The following GRIA4 variants were observed in gnomAD, a reference collection of about 807,000 sequenced individuals.
GRIA4 encodes glutamate ionotropic receptor AMPA type subunit 4.
A neutral mutation model predicts 104.0 loss-of-function variants in GRIA4; 34 were observed. That is an observed-to-expected ratio of 0.33 (90% confidence interval 0.25 to 0.44). The LOEUF (loss-of-function observed/expected upper bound fraction) is 0.44. GRIA4 is among the 20% of genes least tolerant of loss of function. GRIA4 has a pLI of 1.00. For synonymous variants in GRIA4, 386 were observed against 381.9 expected (o/e 1.01, Z -0.13); for missense variants, 750 against 1,096.5 (o/e 0.68, Z 4.46).
intron 4 of GRIA4, among the ~76,000 whole-genome samples, chr11:105,802,079 A>G (rs138449716): frequency 1.8e-3 from 280 of 152,238 alleles, no homozygotes; most frequent in Admixed American, 2.8e-3. Flanking sequence ...CCAGATGGGC[A>G]GATGCGGCCA....
intron 4 of GRIA4, among the ~76,000 whole-genome samples, chr11:105,848,618 A>G (rs599980): frequency 0.12 from 17,966 of 152,216 alleles, 1,338 homozygotes; most frequent in South Asian, 0.19. Context: ...AAGCTACATC[A>G]GTTAGTTGCT....
At chr11:105,671,460 T>C (rs898959062) in intron 3 of GRIA4, among the ~76,000 whole-genome samples, 1 of 151,876 alleles carries the variant, frequency 6.6e-6, no homozygotes, top group East Asian at 2.0e-4. Flanking sequence ...GTGAATCACC[T>C]AGGGTCAGGA....
intron 3 of GRIA4, among the ~76,000 whole-genome samples, chr11:105,685,271 A>T (rs555267043): frequency 6.6e-6 from 1 of 152,270 alleles, no homozygotes; most frequent in African/African-American, 2.4e-5. Flanking sequence ...CACCAGCTGC[A>T]GCCTATGTCT....
intron 3 of GRIA4, among the ~76,000 whole-genome samples, chr11:105,662,124 C>A (rs909953943): frequency 6.6e-6 from 1 of 151,736 alleles, no homozygotes; most frequent in Non-Finnish European, 1.5e-5. Flanking sequence ...AAGCAGATGA[C>A]ATTTTATTTG....
At chr11:105,899,343 C>G (rs910307011) in intron 7 of GRIA4, among the ~76,000 whole-genome samples, 7 of 152,142 alleles carry the variant, frequency 4.6e-5, no homozygotes, top group African/African-American at 1.7e-4. Flanking sequence ...GCACTGTTGT[C>G]CAATCCTTTG....
At chr11:105,691,703 G>A (rs895805523) in intron 3 of GRIA4, among the ~76,000 whole-genome samples, 4 of 152,064 alleles carry the variant, frequency 2.6e-5, no homozygotes, top group Non-Finnish European at 5.9e-5. Context: ...TTGAGAGGCC[G>A]AGGTGGGCGA....
chr11:105,751,740 T>G (rs1378604705), intron 3 of GRIA4, among the ~76,000 whole-genome samples: 1 of 152,198 alleles, frequency 6.6e-6, no homozygotes, highest in African/African-American at 2.4e-5. Flanking sequence ...TAAAACTATT[T>G]AACAACATAA....
intron 14 of GRIA4, among the ~76,000 whole-genome samples, chr11:105,963,573 A>G (rs1948792708): frequency 6.6e-6 from 1 of 152,160 alleles, no homozygotes; most frequent in Non-Finnish European, 1.5e-5. Context: ...TGTTTCTGGA[A>G]GGAAACCATG....
chr11:105,868,922 AT>A (rs1458633439), intron 5 of GRIA4, among the ~76,000 whole-genome samples: 1 of 152,126 alleles, frequency 6.6e-6, no homozygotes, highest in Non-Finnish European at 1.5e-5. Flanking sequence ...AAGAAGGTGA[AT>A]TTTACTTCTT....
intron 5 of GRIA4, among the ~76,000 whole-genome samples, chr11:105,886,694 G>C (rs1336908469): frequency 6.6e-6 from 1 of 152,020 alleles, no homozygotes; most frequent in African/African-American, 2.4e-5. Context: ...GGCTTTCACT[G>C]TTATCATTGA....
At chr11:105,811,871 G>A (rs911310355) in intron 4 of GRIA4, among the ~76,000 whole-genome samples, 1 of 152,278 alleles carries the variant, frequency 6.6e-6, no homozygotes, top group African/African-American at 2.4e-5. Flanking sequence ...ACTGTTAAGT[G>A]CTTTCTCTGG....
chr11:105,651,295 C>T (rs1292949685), intron 3 of GRIA4, among the ~76,000 whole-genome samples: 1 of 152,106 alleles, frequency 6.6e-6, no homozygotes, highest in Non-Finnish European at 1.5e-5. Context: ...TCTTCGAAGT[C>T]TACAACTGTA....
intron 3 of GRIA4, among the ~76,000 whole-genome samples, chr11:105,636,993 T>G (rs1242980044): frequency 6.6e-6 from 1 of 152,172 alleles, no homozygotes; most frequent in African/African-American, 2.4e-5. Flanking sequence ...CATGTTGCAA[T>G]ACAAAATGAT....
At chr11:105,666,405 A>C (rs1478875806) in intron 3 of GRIA4, among the ~76,000 whole-genome samples, 1 of 151,952 alleles carries the variant, frequency 6.6e-6, no homozygotes, top group Admixed American at 6.6e-5. Flanking sequence ...ACATTTTATC[A>C]AAGATGCTAT....
At chr11:105,824,253 C>A (rs551640768) in intron 4 of GRIA4, among the ~76,000 whole-genome samples, 2 of 152,222 alleles carry the variant, frequency 1.3e-5, no homozygotes, top group African/African-American at 2.4e-5. Flanking sequence ...TCTGGTTCCA[C>A]CCCCTGTTCA....
chr11:105,712,594 T>A (rs1953948806), intron 3 of GRIA4, among the ~76,000 whole-genome samples: 1 of 152,126 alleles, frequency 6.6e-6, no homozygotes, highest in South Asian at 2.1e-4. Flanking sequence ...TTTCAGCCTA[T>A]CCTATTTTTT....
At chr11:105,646,243 C>G (rs1217160978) in intron 3 of GRIA4, among the ~76,000 whole-genome samples, 1 of 152,044 alleles carries the variant, frequency 6.6e-6, no homozygotes, top group Non-Finnish European at 1.5e-5. Flanking sequence ...TGGTCAAATA[C>G]AAAACTTAGT....
intron 4 of GRIA4, among the ~76,000 whole-genome samples, chr11:105,822,590 C>A (rs1407757404): frequency 2.0e-5 from 3 of 152,050 alleles, no homozygotes; most frequent in Non-Finnish European, 4.4e-5. Context: ...CATATTTGTT[C>A]ATGTGCTTCT....
intron 4 of GRIA4, among the ~76,000 whole-genome samples, chr11:105,810,661 T>C (rs897411937): frequency 5.3e-5 from 8 of 152,262 alleles, no homozygotes; most frequent in Middle Eastern, 3.4e-3. Flanking sequence ...TCTCAAAATA[T>C]ACCTGACCCC....
Sources: allele counts gnomAD v4.1 joint callset (sites outside exome capture counted in the v4.1 genomes callset), GRCh38; gene constraint gnomAD v4.1.1; transcripts MANE v1.5; gene names NCBI Gene and HGNC (gene_info 2026-07-23, HGNC 2026-07-21).